The following LMBR1 variants were observed in gnomAD, a reference collection of about 807,000 sequenced individuals.
The protein encoded by LMBR1 is limb region 1 protein homolog.
Under a neutral mutation model 73.9 loss-of-function variants are expected in LMBR1, and 52 were observed. That is an observed-to-expected ratio of 0.70 (90% CI 0.56 to 0.89). The LOEUF (loss-of-function observed/expected upper bound fraction) is 0.89, where lower values mean the gene tolerates loss of function less well. Ranked by LOEUF, LMBR1 falls within the 40% of genes least tolerant of loss-of-function variation. The pLI, the probability that LMBR1 is intolerant of heterozygous loss-of-function variation, is 0.00. For synonymous variants in LMBR1, 215 were observed against 209.4 expected (o/e 1.03, Z -0.23); for missense variants, 539 against 579.8 (o/e 0.93, Z 0.72).
chr7:156,817,773 C>T (rs1474238322), intron 4 of LMBR1, among the ~76,000 whole-genome samples: 1 of 152,034 alleles, frequency 6.6e-6, no homozygotes, highest in Admixed American at 6.5e-5. Flanking sequence ...TTTACCCTTC[C>T]AGGTATTTTT....
intron 1 of LMBR1, among the ~76,000 whole-genome samples, chr7:156,892,151 C>T (rs559500117): frequency 5.3e-5 from 8 of 152,310 alleles, no homozygotes; most frequent in Admixed American, 1.3e-4. Context: ...ACACATGGAA[C>T]ATGGGCCAAA....
intron 4 of LMBR1, chr7:156,823,150 AATGAT>A (rs1043080887): frequency 2.0e-5 from 3 of 150,982 alleles, no homozygotes; most frequent in African/African-American, 7.3e-5. Flanking sequence ...ATAAAAATAA[AATGAT>A]ATATGTATTA....
chr7:156,707,403 T>C (rs1811195271), intron 15 of LMBR1, among the ~76,000 whole-genome samples: 1 of 152,112 alleles, frequency 6.6e-6, no homozygotes, highest in Non-Finnish European at 1.5e-5. Context: ...CAAATCACTC[T>C]GATACCCAAA....
At chr7:156,778,048 T>C (rs1826467465) in intron 5 of LMBR1, among the ~76,000 whole-genome samples, 1 of 152,198 alleles carries the variant, frequency 6.6e-6, no homozygotes. Flanking sequence ...TTTTCTATTA[T>C]AGGTACACAA....
Position 156,696,609 on chromosome 7 carries a change from G to A in LMBR1, c.1226-8418C>T, listed in dbSNP as rs1256680493. ...AAGACAGAATGGAAGCTTGTGCTGG[G>A]AAGCTCCCCTTTTGAAAACCATCAG... On this transcript the variant is annotated intron_variant, in intron 15 of 16. Coordinates refer to ENST00000353442, the MANE Select transcript of LMBR1 (RefSeq NM_022458.4). 2.0e-5 allele frequency among the ~76,000 whole-genome samples: 3 copies of A among 152,180 alleles called. No individual in the cohort carries two copies. In the East Asian group the frequency reaches 5.8e-4, roughly 29 times the overall value.
chr7:156,781,126 G>T (rs1320476250), intron 5 of LMBR1, among the ~76,000 whole-genome samples: 1 of 151,992 alleles, frequency 6.6e-6, no homozygotes, highest in African/African-American at 2.4e-5. Context: ...CTCCAACAAA[G>T]ATACAACAAA....
intron 4 of LMBR1, among the ~76,000 whole-genome samples, chr7:156,812,162 C>G (rs1833199683): frequency 6.6e-6 from 1 of 152,158 alleles, no homozygotes; most frequent in Admixed American, 6.5e-5. Context: ...TTTGGGGGAA[C>G]ACGATACTAC....
At chr7:156,829,084 C>T (rs968212708) in intron 3 of LMBR1, among the ~76,000 whole-genome samples, 4 of 152,152 alleles carry the variant, frequency 2.6e-5, no homozygotes, top group Admixed American at 2.0e-4. Context: ...TTGTACAATC[C>T]GACCCCAGCC....
intron 1 of LMBR1, among the ~76,000 whole-genome samples, chr7:156,861,738 G>C (rs1797748938): frequency 6.6e-6 from 1 of 152,110 alleles, no homozygotes; most frequent in Non-Finnish European, 1.5e-5. Context: ...TCTCTCTCAA[G>C]TTCAAAGTTC....
At chr7:156,829,637 A>C (rs1357061503) in intron 3 of LMBR1, among the ~76,000 whole-genome samples, 2 of 152,242 alleles carry the variant, frequency 1.3e-5, no homozygotes, top group African/African-American at 2.4e-5. Flanking sequence ...AACACATAAC[A>C]GACTAACACT....
At chr7:156,702,346 G>A (rs189280339) in intron 15 of LMBR1, among the ~76,000 whole-genome samples, 1 of 152,198 alleles carries the variant, frequency 6.6e-6, no homozygotes, top group East Asian at 1.9e-4. Context: ...ATCTCATTGT[G>A]GTTCTGATTT....
chr7:156,738,325 G>A (rs76001267), intron 9 of LMBR1, among the ~76,000 whole-genome samples: 481 of 152,302 alleles, frequency 3.2e-3, no homozygotes, highest in African/African-American at 0.011. Flanking sequence ...CATCCCAGTG[G>A]TCAAAACTTG....
intron 15 of LMBR1, among the ~76,000 whole-genome samples, chr7:156,711,338 T>C (rs1283792296): frequency 6.6e-6 from 1 of 151,882 alleles, no homozygotes; most frequent in African/African-American, 2.4e-5. Flanking sequence ...AAAACACTAA[T>C]GAAAGAAATT....
chr7:156,675,677 GC>G, downstream of LMBR1: 4 of 1,391,938 alleles, frequency 2.9e-6, no homozygotes, highest in Non-Finnish European at 2.0e-6. Context: ...GAGCTTACCC[GC>G]CCCCGCCTCC....
intron 1 of LMBR1, among the ~76,000 whole-genome samples, chr7:156,860,028 A>C (rs1797512239): frequency 6.6e-6 from 1 of 152,244 alleles, no homozygotes; most frequent in Non-Finnish European, 1.5e-5. Context: ...GCAATGAAGA[A>C]AGAATAGTCT....
intron 15 of LMBR1, among the ~76,000 whole-genome samples, chr7:156,719,195 T>C (rs1301198996): frequency 2.1e-5 from 3 of 142,002 alleles, no homozygotes; most frequent in Admixed American, 7.4e-5. Context: ...TGTGTTCTCA[T>C]TGTTCAATTC....
intron 4 of LMBR1, among the ~76,000 whole-genome samples, chr7:156,812,317 C>CAGAGAG (rs60561733): frequency 1.3e-5 from 2 of 149,820 alleles, no homozygotes; most frequent in South Asian, 2.1e-4. Context: ...TTTAAACACA[C>CAGAGAG]AGAGAGAGAG....
At chr7:156,751,059 G>A (rs1302049382) in intron 9 of LMBR1, among the ~76,000 whole-genome samples, 5 of 152,182 alleles carry the variant, frequency 3.3e-5, no homozygotes, top group South Asian at 2.1e-4. Flanking sequence ...ACAGTGAGCC[G>A]TGATTGTGTC....
At chr7:156,877,995 T>G (rs1394619963) in intron 1 of LMBR1, among the ~76,000 whole-genome samples, 1 of 151,730 alleles carries the variant, frequency 6.6e-6, no homozygotes, top group Non-Finnish European at 1.5e-5. Context: ...TTTAACAAAA[T>G]CCAGCATCAC....
Sources: allele counts gnomAD v4.1 joint callset (sites outside exome capture counted in the v4.1 genomes callset), GRCh38; gene constraint gnomAD v4.1.1; transcripts MANE v1.5; gene names NCBI Gene and HGNC (gene_info 2026-07-23, HGNC 2026-07-21).